OTUD7A: variants seen among roughly 807,000 people sequenced by gnomAD.
OTUD7A encodes the protein OTU deubiquitinase 7A, also known as OTU domain-containing protein 7A.
A neutral mutation model predicts 65.7 loss-of-function variants in OTUD7A; 12 were observed. The ratio of observed to expected loss-of-function variants is 0.18; its 90% CI spans 0.12 to 0.30. OTUD7A has a LOEUF of 0.30. Ranked by LOEUF, OTUD7A falls within the 10% of genes least tolerant of loss-of-function variation. The pLI is 1.00. For missense variants in OTUD7A, 1,148 were observed against 1,304.8 expected (o/e 0.88, Z 1.85); for synonymous variants, 641 against 586.3 (o/e 1.09, Z -1.35).
intron 8 of OTUD7A, among the ~76,000 whole-genome samples, chr15:31,518,485 AAG>A (rs2041893040): frequency 6.6e-6 from 1 of 152,118 alleles, no homozygotes; most frequent in Non-Finnish European, 1.5e-5. Flanking sequence ...TAAAAAAAAA[AAG>A]TAAGTGCACA....
intron 4 of OTUD7A, among the ~76,000 whole-genome samples, chr15:31,567,700 C>T (rs2141169115): frequency 6.6e-6 from 1 of 152,326 alleles, no homozygotes; most frequent in Non-Finnish European, 1.5e-5. Flanking sequence ...GCCTACAGGC[C>T]TAGTTGGAAA....
intron 5 of OTUD7A, among the ~76,000 whole-genome samples, chr15:31,543,852 A>T (rs1446529182): frequency 6.6e-6 from 1 of 151,930 alleles, no homozygotes; most frequent in African/African-American, 2.4e-5. Flanking sequence ...AGTAAAAAAT[A>T]AACCAATAAA....
At chr15:31,647,312 G>A (rs953792805) in intron 3 of OTUD7A, among the ~76,000 whole-genome samples, 3 of 152,216 alleles carry the variant, frequency 2.0e-5, no homozygotes, top group Admixed American at 2.0e-4. Flanking sequence ...ACTTGAAAAC[G>A]CCAGAGCCGT....
intron 1 of OTUD7A, among the ~76,000 whole-genome samples, chr15:31,746,529 C>CA (rs1331793738): frequency 7.2e-6 from 1 of 139,770 alleles, no homozygotes; most frequent in African/African-American, 2.7e-5. Flanking sequence ...TTTTTTGAGA[C>CA]AGAGTTTCAC....
intron 1 of OTUD7A, among the ~76,000 whole-genome samples, chr15:31,815,992 C>T (rs561404015): frequency 1.3e-5 from 2 of 152,284 alleles, no homozygotes; most frequent in South Asian, 2.1e-4. Context: ...CAACAGTGAC[C>T]GACCAGAGGA....
intron 3 of OTUD7A, among the ~76,000 whole-genome samples, chr15:31,654,345 T>C (rs538163610): frequency 0.011 from 1,591 of 145,462 alleles, 22 homozygotes; most frequent in Non-Finnish European, 0.017. Context: ...ATTTTCAATA[T>C]GATTGAATAG....
At chr15:31,756,477 A>G (rs531549652) in intron 1 of OTUD7A, among the ~76,000 whole-genome samples, 1 of 152,320 alleles carries the variant, frequency 6.6e-6, no homozygotes, top group Admixed American at 6.5e-5. Context: ...CTGACGCACA[A>G]AGTCACTGTC....
chr15:31,673,908 T>C (rs1313033180), intron 1 of OTUD7A, among the ~76,000 whole-genome samples: 4 of 152,220 alleles, frequency 2.6e-5, no homozygotes, highest in Admixed American at 2.0e-4. Context: ...GGGTTCATGT[T>C]TTATTTGTCT....
At chr15:31,674,124 T>C (rs959341583) in intron 1 of OTUD7A, among the ~76,000 whole-genome samples, 5 of 152,174 alleles carry the variant, frequency 3.3e-5, no homozygotes, top group Non-Finnish European at 4.4e-5. Context: ...CAGTTCTCTG[T>C]GCCTGGCAGA....
chr15:31,553,918 C>T (rs1391055313), intron 5 of OTUD7A, among the ~76,000 whole-genome samples: 1 of 151,996 alleles, frequency 6.6e-6, no homozygotes, highest in Non-Finnish European at 1.5e-5. Flanking sequence ...CGCGTCAGCC[C>T]CCGGCTCAAA....
At chr15:31,710,932 GC>G (rs1893428230) in intron 1 of OTUD7A, among the ~76,000 whole-genome samples, 1 of 152,032 alleles carries the variant, frequency 6.6e-6, no homozygotes, top group African/African-American at 2.4e-5. Context: ...TATTCCCATG[GC>G]CGTGCGGCTG....
At chr15:31,526,535 C>T (rs1373622295) in intron 7 of OTUD7A, 74 bp from the exon 8 acceptor site, 25 of 1,244,898 alleles carry the variant, frequency 2.0e-5, no homozygotes, top group Non-Finnish European at 2.3e-5. Context: ...CCCTCCCAAT[C>T]TGGACCAGCC....
In OTUD7A at chr15:31,658,987, G is replaced by A. The variant is rs1443284089; in HGVS notation, c.-99-1910C>T. Among the ~76,000 whole-genome samples the A allele has an allele frequency of 1.3e-4, 19 of 151,492 alleles. No homozygotes were observed. The East Asian group carries it at 1.7e-3, about 14-fold the overall frequency. ...GTGGAGGTTACAGTGAGCTGAGATC[G>A]CGCCATTGCACTCCAGCCTGGGCAT... On this transcript the variant is annotated intron_variant, in intron 1 of 12. Transcript: ENST00000307050.
intron 1 of OTUD7A, among the ~76,000 whole-genome samples, chr15:31,717,691 C>T (rs528439288): frequency 5.9e-5 from 9 of 152,240 alleles, no homozygotes; most frequent in Admixed American, 2.6e-4. Context: ...AACAGTGCTG[C>T]AATAAACATA....
rs115640932 is a variant in OTUD7A, at chr15:31,591,288, G to A, written c.152-21091C>T. On this transcript the variant is annotated intron_variant, in intron 3 of 12. Transcript: ENST00000307050. ...ACAAGCTTAACTGGGAGAGCTTGGA[G>A]TGGTCTGCAGCGGATACATGGGGAA... Among the ~76,000 whole-genome samples the A allele has an allele frequency of 7.2e-3, 1,102 of 152,268 alleles. 15 individuals are homozygous for A. The highest frequency in any genetic ancestry group is 0.025 in the African/African-American group (1,056 of 41,546).
At chr15:31,693,036 TCA>T (rs1454722005) in intron 1 of OTUD7A, among the ~76,000 whole-genome samples, 6 of 151,988 alleles carry the variant, frequency 3.9e-5, no homozygotes, top group African/African-American at 1.5e-4. Flanking sequence ...GGGCTTTAAT[TCA>T]CACAGTGATC....
rs533917761 is a variant in OTUD7A at position 31,538,575 on chromosome 15, A to G, written c.551-7767T>C. On this transcript the variant is annotated intron_variant, in intron 5 of 12. Coordinates refer to ENST00000307050, the MANE Select transcript of OTUD7A (RefSeq NM_001382637.1). ...CCTCACACATCCAGGACAAAATCAG[A>G]TCACAAAAAAGGCCAGTCTAATTTT... Among the ~76,000 whole-genome samples the G allele has an allele frequency of 5.9e-5, 9 of 152,320 alleles. No individual in the cohort carries two copies. In the South Asian group the frequency reaches 1.7e-3, roughly 28 times the overall value.
At chr15:31,815,666 G>A (rs928256139) in intron 1 of OTUD7A, among the ~76,000 whole-genome samples, 3 of 152,226 alleles carry the variant, frequency 2.0e-5, no homozygotes, top group African/African-American at 7.2e-5. Context: ...GCTAGGCTAT[G>A]AAGTGGTGGC....
chr15:31,602,992 A>T (rs767439064), intron 3 of OTUD7A, among the ~76,000 whole-genome samples: 8 of 152,206 alleles, frequency 5.3e-5, no homozygotes, highest in Non-Finnish European at 1.0e-4. Context: ...AGGAAGAAAC[A>T]ATATCATGAA....
Sources: allele counts gnomAD v4.1 joint callset (sites outside exome capture counted in the v4.1 genomes callset), GRCh38; gene constraint gnomAD v4.1.1; transcripts MANE v1.5; gene names NCBI Gene and HGNC (gene_info 2026-07-23, HGNC 2026-07-21).